Variants in CAMK1D observed in about 807,000 individuals in gnomAD.
CAMK1D encodes calcium/calmodulin-dependent protein kinase type 1D.
A neutral mutation model predicts 47.7 loss-of-function variants in CAMK1D; 9 were observed. That is an observed-to-expected ratio of 0.19 (90% CI 0.11 to 0.33). CAMK1D has a LOEUF of 0.33. CAMK1D is among the 10% of genes least tolerant of loss of function. CAMK1D has a pLI of 1.00. For missense variants in CAMK1D, 291 were observed against 488.7 expected, an observed-to-expected ratio of 0.60 and a Z score of 3.81; for synonymous variants, 184 against 184.9, an observed-to-expected ratio of 0.99 and a Z score of 0.04.
chr10:12,530,156 G>A (rs1835757912), intron 1 of CAMK1D, among the ~76,000 whole-genome samples: 1 of 152,218 alleles, frequency 6.6e-6, no homozygotes, highest in Non-Finnish European at 1.5e-5. Context: ...TTGGATCAAG[G>A]TCTGGCCGGC....
At chr10:12,645,000 C>CT (rs5783281) in intron 2 of CAMK1D, among the ~76,000 whole-genome samples, 36,814 of 149,042 alleles carry the variant, frequency 0.25, 4,667 homozygotes, top group South Asian at 0.37. Context: ...GAATTTGTGA[C>CT]TTTTTTTTTT....
At chr10:12,710,589 C>T (rs1322229455) in intron 3 of CAMK1D, among the ~76,000 whole-genome samples, 1 of 152,156 alleles carries the variant, frequency 6.6e-6, no homozygotes, top group Non-Finnish European at 1.5e-5. Flanking sequence ...TCAGGTCCTG[C>T]AAGTTGTGGG....
intron 3 of CAMK1D, among the ~76,000 whole-genome samples, chr10:12,729,002 C>T (rs967651831): frequency 6.6e-6 from 1 of 152,226 alleles, no homozygotes; most frequent in Non-Finnish European, 1.5e-5. Context: ...AAAGATGATA[C>T]TGCAATGCAT....
chr10:12,769,552 C>T, intron 4 of CAMK1D, 121 bp from the exon 5 acceptor site: 1 of 1,080,192 alleles, frequency 9.3e-7, no homozygotes, highest in Non-Finnish European at 1.3e-6. Context: ...GATGCATCTA[C>T]TGTGTCCAAA....
At chr10:12,657,298 G>A (rs1464419395) in intron 2 of CAMK1D, among the ~76,000 whole-genome samples, 1 of 152,108 alleles carries the variant, frequency 6.6e-6, no homozygotes, top group Non-Finnish European at 1.5e-5. Flanking sequence ...GGTGGCGCAT[G>A]CCTGTAGTTC....
At chr10:12,597,561 T>G (rs574928747) in intron 2 of CAMK1D, among the ~76,000 whole-genome samples, 1 of 152,332 alleles carries the variant, frequency 6.6e-6, no homozygotes, top group South Asian at 2.1e-4. Flanking sequence ...TTAGACCCTA[T>G]GCAGAGGCAC....
chr10:12,362,737 C>T (rs1837711469), intron 1 of CAMK1D, among the ~76,000 whole-genome samples: 1 of 152,190 alleles, frequency 6.6e-6, no homozygotes, highest in South Asian at 2.1e-4. Context: ...GTCGCGATCT[C>T]CTGACCTCCT....
In CAMK1D at chr10:12,739,792, T is replaced by A. The variant is rs1835350046; in HGVS notation, c.300-21156T>A. 2.6e-5 allele frequency among the ~76,000 whole-genome samples: 4 copies of A among 152,126 alleles called. 1 individual carries two copies. The highest frequency in any genetic ancestry group is 2.6e-4 in the Admixed American group (4 of 15,274). On this transcript the variant is annotated intron_variant, in intron 3 of 10. Coordinates refer to ENST00000619168, the MANE Select transcript of CAMK1D (RefSeq NM_153498.4). Reference sequence around the variant, plus strand: ...CAAAAGACCCCTAATTGTATGGTGCTCTCTCGGTCTTGGTTCGTTACAGCT... The same window carrying A: ...CAAAAGACCCCTAATTGTATGGTGCACTCTCGGTCTTGGTTCGTTACAGCT...
chr10:12,387,211 A>C (rs564647686), intron 1 of CAMK1D, among the ~76,000 whole-genome samples: 1 of 150,676 alleles, frequency 6.6e-6, no homozygotes, highest in African/African-American at 2.4e-5. Context: ...CTCAAAAAAA[A>C]AAAAAAAGTT....
At chr10:12,718,906 C>T (rs1834260446) in intron 3 of CAMK1D, among the ~76,000 whole-genome samples, 1 of 152,206 alleles carries the variant, frequency 6.6e-6, no homozygotes, top group Admixed American at 6.5e-5. Flanking sequence ...CCCAGAGAAT[C>T]TGTAAGTCAT....
chr10:12,559,116 T>C (rs890441862), intron 2 of CAMK1D, among the ~76,000 whole-genome samples: 5 of 152,098 alleles, frequency 3.3e-5, no homozygotes, highest in African/African-American at 1.2e-4. Context: ...AAGACCAGCC[T>C]GGGCATCATA....
intron 5 of CAMK1D, among the ~76,000 whole-genome samples, chr10:12,770,982 T>C (rs2130934694): frequency 6.6e-6 from 1 of 152,018 alleles, no homozygotes; most frequent in Admixed American, 6.5e-5. Flanking sequence ...AAGGTTGGAG[T>C]GCAGTGGCGC....
chr10:12,558,683 TG>T (rs1351419441), intron 2 of CAMK1D, among the ~76,000 whole-genome samples: 1 of 151,970 alleles, frequency 6.6e-6, no homozygotes, highest in South Asian at 2.1e-4. Flanking sequence ...GATTGGAAAG[TG>T]GGGGCTGAGA....
At chr10:12,591,517 T>C (rs1311873294) in intron 2 of CAMK1D, among the ~76,000 whole-genome samples, 1 of 152,232 alleles carries the variant, frequency 6.6e-6, no homozygotes, top group Non-Finnish European at 1.5e-5. Context: ...CAGGTGACAG[T>C]GGCTGACTTC....
At chr10:12,458,523 C>T (rs1235268660) in intron 1 of CAMK1D, among the ~76,000 whole-genome samples, 1 of 151,860 alleles carries the variant, frequency 6.6e-6, no homozygotes. Flanking sequence ...CTCAAGTGAT[C>T]CTCCCACCTC....
At chr10:12,690,763 C>T (rs544364206) in intron 3 of CAMK1D, among the ~76,000 whole-genome samples, 76 of 152,168 alleles carry the variant, frequency 5.0e-4, no homozygotes, top group African/African-American at 1.8e-3. Flanking sequence ...GGGTGAGGGT[C>T]ATGGGGATTG....
intron 1 of CAMK1D, among the ~76,000 whole-genome samples, chr10:12,476,826 GC>G (rs1833916402): frequency 6.6e-6 from 1 of 152,110 alleles, no homozygotes; most frequent in Admixed American, 6.6e-5. Context: ...TTCTCAGCAG[GC>G]CTGCCCATCT....
At chr10:12,547,673 T>TTCTCTCTC (rs1296013771) in intron 1 of CAMK1D, among the ~76,000 whole-genome samples, 40 of 117,744 alleles carry the variant, frequency 3.4e-4, no homozygotes, top group African/African-American at 1.4e-3. Flanking sequence ...CTCTCTCTCT[T>TTCTCTCTC]TCTCTCTCTC....
chr10:12,751,051 AATAAGATAAGATAAG>A (rs141001552), intron 3 of CAMK1D, among the ~76,000 whole-genome samples: 19,920 of 135,490 alleles, frequency 0.15, 1,790 homozygotes, highest in Middle Eastern at 0.19. Context: ...CGTCTCCCCC[AATAAGATAAGATAAG>A]ATAAGATAAG....
Sources: gnomAD v4.1 joint callset for allele counts (sites outside exome capture counted in the v4.1 genomes callset) on GRCh38, gnomAD v4.1.1 for gene constraint, MANE v1.5 for transcripts, NCBI Gene and HGNC (gene_info 2026-07-23, HGNC 2026-07-21) for gene names.